Variants in P2RY8 observed in about 807,000 individuals in gnomAD.
P2RY8 encodes the protein P2Y receptor family member 8.
P2RY8 carries 6 observed loss-of-function variants against 10.0 expected under a neutral mutation model. The observed-to-expected ratio is 0.60, with a 90% CI of 0.33 to 1.19. P2RY8 has a LOEUF of 1.19. P2RY8 is among the 50% of genes most tolerant of loss of function. The pLI, the probability that P2RY8 is intolerant of heterozygous loss-of-function variation, is 0.04. For synonymous variants in P2RY8, 276 were observed against 252.5 expected (o/e 1.09, Z -0.88); for missense variants, 456 against 542.0 (o/e 0.84, Z 1.58).
In P2RY8 at chrX:1,464,686, C is replaced by A; in HGVS notation, c.*793G>T. On this transcript the variant is annotated 3_prime_UTR_variant, in exon 2 of 2. Transcript: ENST00000381297. ...TGTTCCAGGGGCCTGATGGGACCTC[C>A]TTCTCTATCAGGGACTCACAGAAGC... 1 of 233,256 alleles carries A rather than the reference C, an allele frequency of 4.3e-6. No individual in the cohort carries two copies. Among genetic ancestry groups the A allele is most frequent in the Non-Finnish European group, 8.5e-6 (1 of 118,118 alleles). 14.4% of individuals were successfully genotyped at this position (233,256 alleles called of 1,614,324 possible).
rs1264250812 is a variant in P2RY8, at chrX:1,466,199, C to G, written c.360G>C (p.Glu120Asp). 6.8e-6 allele frequency: 11 copies of G among 1,612,976 alleles called. No homozygotes were observed. The highest frequency in any genetic ancestry group is 8.5e-6 in the Non-Finnish European group (10 of 1,179,572). Residue 120 changes from glutamate (E) to aspartate (D), a missense_variant, in exon 2 of 2, where the codon GAG becomes GAC. Physicochemically the swap from Glu to Asp is conservative, Grantham distance 45. Coordinates refer to ENST00000381297, the MANE Select transcript of P2RY8 (RefSeq NM_178129.5). ...GCGGGTACAGGACCCCCAGGAAGCG[C>G]TCCACGCTGATACAGGTCATGGTGA... Reference protein sequence around the residue: ...SILTMTCISVERFLGVLYPLS... With the variant: ...SILTMTCISVDRFLGVLYPLS...
rs557721207 is a variant in P2RY8, at chrX:1,500,850, G to A, written c.-24-34268C>T. 3.3e-5 allele frequency among the ~76,000 whole-genome samples: 5 copies of A among 152,198 alleles called. No homozygotes were observed. The South Asian group carries it at 1.0e-3, about 32-fold the overall frequency. On this transcript the variant is annotated intron_variant, in intron 1 of 1. Transcript: ENST00000381297. ...TGGGCTGCCGTGGACATAGGATTTT[G>A]GGTGTGCTAAAACCAGGAAAGCCCC...
chrX:1,488,506 A>T (rs778832999), intron 1 of P2RY8, among the ~76,000 whole-genome samples: 1 of 152,156 alleles, frequency 6.6e-6, no homozygotes, highest in East Asian at 1.9e-4. Context: ...GCCTGTCTGC[A>T]CCCAGCACAG....
chrX:1,493,293 AAGG>A (rs2092073208), intron 1 of P2RY8, among the ~76,000 whole-genome samples: 1 of 120,506 alleles, frequency 8.3e-6, no homozygotes, highest in Non-Finnish European at 1.7e-5. Context: ...AAAGGAAAGA[AAGG>A]AGAGGAGAAG....
intron 1 of P2RY8, among the ~76,000 whole-genome samples, chrX:1,509,422 T>G (rs1208996043): frequency 9.8e-6 from 1 of 101,554 alleles, no homozygotes; most frequent in African/African-American, 3.5e-5. Context: ...CTATTTCTAT[T>G]ATCTATCTAT....
At chrX:1,517,462 T>C (rs1215169479) in intron 1 of P2RY8, among the ~76,000 whole-genome samples, 5 of 152,158 alleles carry the variant, frequency 3.3e-5, no homozygotes, top group Non-Finnish European at 7.4e-5. Flanking sequence ...GTGTGCCTTG[T>C]GGGCAGTCCC....
intron 1 of P2RY8, among the ~76,000 whole-genome samples, chrX:1,468,393 C>T (rs1194750172): frequency 6.6e-6 from 1 of 152,334 alleles, no homozygotes; most frequent in Admixed American, 6.5e-5. Context: ...CTCTTGGCAG[C>T]CAGATCTGTT....
intron 1 of P2RY8, among the ~76,000 whole-genome samples, chrX:1,511,349 C>T (rs1474371178): frequency 6.6e-6 from 1 of 152,164 alleles, no homozygotes; most frequent in Non-Finnish European, 1.5e-5. Flanking sequence ...TTCATAGCTC[C>T]TCCTGTAACC....
intron 1 of P2RY8, among the ~76,000 whole-genome samples, chrX:1,525,267 G>A (rs2092432269): frequency 6.6e-6 from 1 of 152,154 alleles, no homozygotes; most frequent in Non-Finnish European, 1.5e-5. Context: ...TGTGAATATA[G>A]GACCTTATTT....
intron 1 of P2RY8, among the ~76,000 whole-genome samples, chrX:1,474,180 G>GAGTA (rs1199909267): frequency 6.6e-6 from 1 of 151,924 alleles, no homozygotes; most frequent in African/African-American, 2.4e-5. Context: ...ATGGATGGGT[G>GAGTA]GATGAATAGA....
At position 1,475,840 on chromosome X, in the gene P2RY8, A is replaced by G. The variant is rs191868249; in HGVS notation, c.-24-9258T>C. ...CCTTTCTTTGGTTGACTTACTGTTGAGAAATGTCCAACACTAGCAGAGTGG... is the reference window on the plus strand; with the variant it reads ...CCTTTCTTTGGTTGACTTACTGTTGGGAAATGTCCAACACTAGCAGAGTGG... On this transcript the variant is annotated intron_variant, in intron 1 of 1. Transcript: ENST00000381297. Among the ~76,000 whole-genome samples the G allele has an allele frequency of 2.5e-3, 383 of 152,280 alleles. 1 individual carries two copies. Among genetic ancestry groups the G allele is most frequent in the Non-Finnish European group, 2.7e-3 (182 of 68,016 alleles).
At chrX:1,528,893 T>G (rs2092456661) in intron 1 of P2RY8, among the ~76,000 whole-genome samples, 1 of 152,188 alleles carries the variant, frequency 6.6e-6, no homozygotes, top group African/African-American at 2.4e-5. Context: ...TGAGTTGGAT[T>G]TGAGTCTCTT....
intron 1 of P2RY8, among the ~76,000 whole-genome samples, chrX:1,511,472 G>GT (rs1333657122): frequency 2.0e-5 from 3 of 152,166 alleles, no homozygotes; most frequent in African/African-American, 7.2e-5. Context: ...TTCCCAGCCT[G>GT]TTAGGCTATA....
chrX:1,498,380 T>A (rs1306884835), intron 1 of P2RY8, among the ~76,000 whole-genome samples: 1 of 114,242 alleles, frequency 8.8e-6, no homozygotes, highest in Non-Finnish European at 1.7e-5. Context: ...CACTCCAGCC[T>A]GGGCGACAGA....
chrX:1,495,834 C>T lies in P2RY8; in HGVS notation c.-24-29252G>A, dbSNP rs757793128. Among the ~76,000 whole-genome samples, 52 of 122,120 alleles carry T rather than the reference C, an allele frequency of 4.3e-4. 4 individuals are homozygous for T. Among genetic ancestry groups the T allele is most frequent in the African/African-American group, 1.4e-3 (52 of 38,104 alleles). 80.1% of individuals were successfully genotyped at this position (122,120 alleles called of 152,430 possible). On this transcript the variant is annotated intron_variant, in intron 1 of 1. Coordinates refer to ENST00000381297, the MANE Select transcript of P2RY8 (RefSeq NM_178129.5). ...GAATCAATGTCTGTTGTGTATAAGC[C>T]CCCCAGTCTACGGTATTCTGTGACA...
chrX:1,532,703 C>CAT (rs1294657340), intron 1 of P2RY8, among the ~76,000 whole-genome samples: 1 of 151,806 alleles, frequency 6.6e-6, no homozygotes, highest in Non-Finnish European at 1.5e-5. Context: ...GATGCAAAGG[C>CAT]ATAAGAATGC....
chrX:1,465,818 G>A lies in P2RY8; in HGVS notation c.741C>T (p.Val247=). 1.2e-6 allele frequency: 2 copies of A among 1,613,294 alleles called. No individual in the cohort carries two copies. ...CGAAGTTGTTGGGGGCGAAGCAGGTGACAAAGGCCAGCAAGACCACCGCGG... is the reference window on the plus strand; with the variant it reads ...CGAAGTTGTTGGGGGCGAAGCAGGTAACAAAGGCCAGCAAGACCACCGCGG... ...GLAAVVLLAF[V]TCFAPNNFVL... The change falls in exon 2 of 2, where the codon GTC becomes GTT. Residue 247 remains valine (V), a synonymous_variant. Transcript: ENST00000381297.
At chrX:1,535,498 T>G in intron 1 of P2RY8, among the ~76,000 whole-genome samples, 1 of 151,898 alleles carries the variant, frequency 6.6e-6, no homozygotes, top group East Asian at 1.9e-4. Context: ...CAAAATATGC[T>G]ACTATCTGGC....
intron 1 of P2RY8, among the ~76,000 whole-genome samples, chrX:1,480,836 G>T (rs1245429549): frequency 6.6e-6 from 1 of 151,206 alleles, no homozygotes; most frequent in East Asian, 1.9e-4. Context: ...GAAAATAAAA[G>T]AACTTTTTTT....
Sources: gnomAD v4.1 joint callset for allele counts (sites outside exome capture counted in the v4.1 genomes callset) on GRCh38, gnomAD v4.1.1 for gene constraint, MANE v1.5 for transcripts, NCBI Gene and HGNC (gene_info 2026-07-23, HGNC 2026-07-21) for gene names.